TMEM164: variants seen among roughly 807,000 people sequenced by gnomAD.
The protein encoded by TMEM164 is transmembrane protein 164.
TMEM164 carries 4 observed loss-of-function variants against 18.8 expected under a neutral mutation model. That is an observed-to-expected ratio of 0.21 (90% CI 0.10 to 0.49). The LOEUF is 0.49. Ranked by LOEUF, TMEM164 falls within the 20% of genes least tolerant of loss-of-function variation. TMEM164 has a pLI of 0.98. For missense variants in TMEM164, 108 were observed against 239.9 expected, an observed-to-expected ratio of 0.45 and a Z score of 3.63; for synonymous variants, 86 against 101.7, an observed-to-expected ratio of 0.85 and a Z score of 0.93.
chrX:110,100,110 T>C (rs1242629138), intron 3 of TMEM164, among the ~76,000 whole-genome samples: 1 of 111,953 alleles, frequency 8.9e-6, no homozygotes, highest in Non-Finnish European at 1.9e-5. Flanking sequence ...GGATTTTCCA[T>C]ACATATAATC....
intron 5 of TMEM164, among the ~76,000 whole-genome samples, chrX:110,145,123 C>T (rs1000310448): frequency 9.0e-6 from 1 of 111,316 alleles, no homozygotes; most frequent in African/African-American, 3.3e-5. Flanking sequence ...CTGTCTGTCA[C>T]AGGGCCTGGG....
chrX:110,169,496 C>T (rs1217133680), intron 5 of TMEM164, among the ~76,000 whole-genome samples: 2 of 111,357 alleles, frequency 1.8e-5, no homozygotes, highest in African/African-American at 6.5e-5. Flanking sequence ...CCTGCCTCGA[C>T]TCTGTCTGCT....
chrX:110,045,568 T>A (rs1376675503), intron 2 of TMEM164, among the ~76,000 whole-genome samples: 1 of 111,786 alleles, frequency 8.9e-6, no homozygotes, highest in Non-Finnish European at 1.9e-5. Context: ...CTCCCTGGCT[T>A]AGGTTGATTG....
intron 2 of TMEM164, among the ~76,000 whole-genome samples, chrX:110,037,269 A>G (rs1472169728): frequency 9.0e-6 from 1 of 111,641 alleles, no homozygotes; most frequent in East Asian, 2.8e-4. Flanking sequence ...ACATATGGAC[A>G]TGATACGATT....
intron 4 of TMEM164, among the ~76,000 whole-genome samples, chrX:110,128,568 A>G (rs1291579428): frequency 9.0e-6 from 1 of 111,661 alleles, no homozygotes; most frequent in Non-Finnish European, 1.9e-5. Context: ...GTGTGGGTAT[A>G]TATCATTCAT....
chrX:110,168,091 A>G (rs1051242348), intron 5 of TMEM164, among the ~76,000 whole-genome samples: 2 of 112,014 alleles, frequency 1.8e-5, no homozygotes, highest in Non-Finnish European at 3.8e-5. Flanking sequence ...CCGAGCAGAG[A>G]GGATGGAGGG....
intron 3 of TMEM164, among the ~76,000 whole-genome samples, chrX:110,080,456 T>C (rs548441415): frequency 7.2e-5 from 8 of 111,832 alleles, no homozygotes; most frequent in African/African-American, 2.6e-4. Context: ...GATATTTTCA[T>C]TGATACGGTC....
chrX:110,058,609 C>G (rs868273640), intron 2 of TMEM164, among the ~76,000 whole-genome samples: 1 of 81,225 alleles, frequency 1.2e-5, no homozygotes, highest in Non-Finnish European at 2.3e-5. Context: ...CCCTTTCTTT[C>G]TTTTTTTTTT....
Position 110,177,546 on chromosome X carries a change from T to C in TMEM164, c.*4095T>C, listed in dbSNP as rs2067303460. On this transcript the variant is annotated 3_prime_UTR_variant, in exon 7 of 7. Transcript: ENST00000372068. ...TGCGTGCTCTGTGCCCCCACCAGTT[T>C]GCTCACCTCTTGGGGCATTTTGTAA... The C allele has an allele frequency of 8.9e-6, 1 of 112,737 alleles. No individual in the cohort carries two copies. The highest frequency in any genetic ancestry group is 1.9e-5 in the Non-Finnish European group (1 of 53,371). 9.3% of individuals were successfully genotyped at this position (112,737 alleles called of 1,213,427 possible). A position where few individuals can be genotyped will look rare whatever the true frequency, so the allele number is the denominator to read the frequency against.
At chrX:110,053,743 C>T (rs1462007693) in intron 2 of TMEM164, among the ~76,000 whole-genome samples, 2 of 111,603 alleles carry the variant, frequency 1.8e-5, no homozygotes, top group African/African-American at 6.5e-5. Context: ...GTAACCAGGT[C>T]ATCCTGTTCT....
intron 4 of TMEM164, among the ~76,000 whole-genome samples, chrX:110,141,189 G>C (rs910239401): frequency 9.0e-6 from 1 of 111,704 alleles, no homozygotes; most frequent in Non-Finnish European, 1.9e-5. Flanking sequence ...CTCCATTATT[G>C]ATTGCCCTTT....
intron 2 of TMEM164, among the ~76,000 whole-genome samples, chrX:110,059,784 T>A (rs1427772021): frequency 8.9e-6 from 1 of 112,077 alleles, no homozygotes; most frequent in African/African-American, 3.3e-5. Flanking sequence ...GTATTTTATG[T>A]GTAGACCGAG....
intron 3 of TMEM164, among the ~76,000 whole-genome samples, chrX:110,096,090 G>T (rs1345657494): frequency 8.9e-6 from 1 of 112,339 alleles, no homozygotes; most frequent in Non-Finnish European, 1.9e-5. Flanking sequence ...GGTGTCAGTT[G>T]GCCCCTACTG....
At chrX:110,149,297 A>G (rs1282561030) in intron 5 of TMEM164, among the ~76,000 whole-genome samples, 1 of 111,550 alleles carries the variant, frequency 9.0e-6, no homozygotes, top group Non-Finnish European at 1.9e-5. Context: ...TTTCTTCTCA[A>G]TTACCCTTTA....
At chrX:110,004,532 C>T in intron 2 of TMEM164, among the ~76,000 whole-genome samples, 2 of 111,837 alleles carry the variant, frequency 1.8e-5, no homozygotes, top group Middle Eastern at 4.6e-3. Flanking sequence ...ACCCAGCTCC[C>T]TTGCCTTCTG....
At chrX:110,034,980 A>G (rs1934710643) in intron 2 of TMEM164, among the ~76,000 whole-genome samples, 2 of 102,745 alleles carry the variant, frequency 1.9e-5, no homozygotes, top group African/African-American at 7.1e-5. Context: ...ACAAAAAACC[A>G]AACACCGCAT....
At chrX:110,151,907 A>G (rs2066944686) in intron 5 of TMEM164, among the ~76,000 whole-genome samples, 1 of 112,173 alleles carries the variant, frequency 8.9e-6, no homozygotes, top group Non-Finnish European at 1.9e-5. Flanking sequence ...AGAGCTTGTT[A>G]CATATAAATA....
intron 4 of TMEM164, among the ~76,000 whole-genome samples, chrX:110,119,760 T>A (rs1348792189): frequency 8.9e-6 from 1 of 111,770 alleles, no homozygotes; most frequent in Admixed American, 9.5e-5. Flanking sequence ...GCATAGGAGA[T>A]AACCAATAAA....
intron 2 of TMEM164, among the ~76,000 whole-genome samples, chrX:110,037,628 A>C (rs1286036247): frequency 8.9e-6 from 1 of 111,802 alleles, no homozygotes; most frequent in Non-Finnish European, 1.9e-5. Flanking sequence ...AGCCACAGGC[A>C]AAATTGCCAT....
Sources: allele counts gnomAD v4.1 joint callset (sites outside exome capture counted in the v4.1 genomes callset), GRCh38; gene constraint gnomAD v4.1.1; transcripts MANE v1.5; gene names NCBI Gene and HGNC (gene_info 2026-07-23, HGNC 2026-07-21).